MSH3: variants seen among roughly 807,000 people sequenced by gnomAD.
The protein encoded by MSH3 is mutS homolog 3.
MSH3 carries 106 observed loss-of-function variants against 123.3 expected under a neutral mutation model. The ratio of observed to expected loss-of-function variants is 0.86; its 90% confidence interval spans 0.73 to 1.01. The LOEUF is 1.01. Ranked by LOEUF, MSH3 falls within the 50% of genes least tolerant of loss-of-function variation. The pLI is 0.00. For missense variants in MSH3, 1,459 were observed against 1,347.6 expected (o/e 1.08, Z -1.29); for synonymous variants, 515 against 481.4 (o/e 1.07, Z -0.91).
chr5:80,724,559 A>G (rs888932484), intron 8 of MSH3, among the ~76,000 whole-genome samples: 1 of 152,154 alleles, frequency 6.6e-6, no homozygotes, highest in African/African-American at 2.4e-5. Flanking sequence ...AAGAAAATGC[A>G]TTACCCAGCA....
intron 8 of MSH3, among the ~76,000 whole-genome samples, chr5:80,715,612 A>G (rs1230417906): frequency 6.6e-6 from 1 of 152,090 alleles, no homozygotes; most frequent in Non-Finnish European, 1.5e-5. Flanking sequence ...TATAAAGAAA[A>G]GAGGTTTAAT....
intron 19 of MSH3, among the ~76,000 whole-genome samples, chr5:80,795,566 G>T (rs1744683789): frequency 6.6e-6 from 1 of 152,084 alleles, no homozygotes; most frequent in South Asian, 2.1e-4. Flanking sequence ...TCTCCTGAAG[G>T]CCCCATCTTC....
At chr5:80,659,294 G>A (rs935924633) in intron 2 of MSH3, among the ~76,000 whole-genome samples, 3 of 151,286 alleles carry the variant, frequency 2.0e-5, no homozygotes, top group Admixed American at 6.6e-5. Flanking sequence ...TGCACAATTC[G>A]GTGGCTTTTA....
At chr5:80,735,092 C>T (rs1353623500) in intron 10 of MSH3, among the ~76,000 whole-genome samples, 1 of 152,122 alleles carries the variant, frequency 6.6e-6, no homozygotes, top group African/African-American at 2.4e-5. Flanking sequence ...AAGTTTAAAA[C>T]ATGATTACCG....
chr5:80,799,391 T>A (rs1744752059), intron 19 of MSH3, among the ~76,000 whole-genome samples: 1 of 151,536 alleles, frequency 6.6e-6, no homozygotes, highest in South Asian at 2.1e-4. Flanking sequence ...TAAAACACTT[T>A]GAAACTACCA....
chr5:80,829,689 G>A (rs1375006945), intron 20 of MSH3, among the ~76,000 whole-genome samples: 4 of 152,296 alleles, frequency 2.6e-5, no homozygotes, highest in Non-Finnish European at 5.9e-5. Flanking sequence ...ATATTGGCCT[G>A]TAGTTTTCTT....
chr5:80,751,405 A>G (rs1743834594), intron 12 of MSH3, among the ~76,000 whole-genome samples: 1 of 152,180 alleles, frequency 6.6e-6, no homozygotes, highest in Non-Finnish European at 1.5e-5. Context: ...CCCGATACAA[A>G]CAAGCAATGG....
At chr5:80,768,188 T>G in intron 14 of MSH3, 68 bp downstream of exon 14, 1 of 1,363,786 alleles carries the variant, frequency 7.3e-7, no homozygotes, top group Non-Finnish European at 1.0e-6. Flanking sequence ...GCCATTTATT[T>G]GTGGATTCTT....
chr5:80,873,931 A>G (rs1171550673), intron 23 of MSH3, among the ~76,000 whole-genome samples: 1 of 152,200 alleles, frequency 6.6e-6, no homozygotes, highest in Non-Finnish European at 1.5e-5. Flanking sequence ...TTAGTAAATT[A>G]TACCCTTTTG....
chr5:80,823,364 T>A (rs892786408), intron 20 of MSH3, among the ~76,000 whole-genome samples: 1 of 152,154 alleles, frequency 6.6e-6, no homozygotes, highest in Non-Finnish European at 1.5e-5. Flanking sequence ...CTGACAACTC[T>A]TTTTTTCTGG....
chr5:80,811,317 C>T (rs1222759712), intron 19 of MSH3, among the ~76,000 whole-genome samples: 1 of 152,074 alleles, frequency 6.6e-6, no homozygotes, highest in Admixed American at 6.6e-5. Flanking sequence ...TTATCAAATA[C>T]TTTCTCTGTG....
chr5:80,726,531 A>T (rs1422534455), intron 9 of MSH3, among the ~76,000 whole-genome samples: 1 of 152,066 alleles, frequency 6.6e-6, no homozygotes, highest in South Asian at 2.1e-4. Flanking sequence ...CAGTGGTGCA[A>T]TCTTAGCCCA....
At chr5:80,656,160 C>T (rs1198850564) in intron 1 of MSH3, among the ~76,000 whole-genome samples, 2 of 152,216 alleles carry the variant, frequency 1.3e-5, no homozygotes, top group Non-Finnish European at 2.9e-5. Context: ...AGACCGGTAG[C>T]AGCCTTGGTT....
At chr5:80,741,663 C>A in intron 11 of MSH3, 115 bp downstream of exon 11, 1 of 759,692 alleles carries the variant, frequency 1.3e-6, no homozygotes, top group Non-Finnish European at 2.4e-6. Flanking sequence ...TAGCTGACTG[C>A]AGTATTAATT....
intron 3 of MSH3, among the ~76,000 whole-genome samples, chr5:80,669,726 T>G (rs1427664439): frequency 1.3e-5 from 2 of 152,208 alleles, no homozygotes; most frequent in Non-Finnish European, 2.9e-5. Context: ...GAGAGCCAGA[T>G]TTGTCCCCAT....
intron 20 of MSH3, among the ~76,000 whole-genome samples, chr5:80,829,139 C>T (rs573969946): frequency 1.1e-4 from 17 of 152,332 alleles, no homozygotes; most frequent in African/African-American, 1.7e-4. Context: ...CTCTTAAATG[C>T]CCCACCTCTT....
rs150596509 is a variant in MSH3 at position 80,713,675 on chromosome 5, A to G, written c.1341-11778A>G. Among the ~76,000 whole-genome samples, 9 of 152,304 alleles carry G rather than the reference A, an allele frequency of 5.9e-5. No homozygotes were observed. In the East Asian group the frequency reaches 1.7e-3, roughly 29 times the overall value. ...TTTGATGCAGTGGTATTTACTGTCC[A>G]CCTCTAATAAAGCAGGTGAATCATA... On this transcript the variant is annotated intron_variant, in intron 8 of 23. Transcript: ENST00000265081.
Position 80,778,795 on chromosome 5 carries a change from G to A in MSH3, c.2394G>A (p.Gln798=), listed in dbSNP as rs2112007888. 3 of 1,611,164 alleles carry A rather than the reference G, an allele frequency of 1.9e-6. No homozygotes were observed. The highest frequency in any genetic ancestry group is 2.5e-6 in the Non-Finnish European group (3 of 1,177,324). Reference sequence around the variant, plus strand: ...GACATCTGAATCAGCTCCGGGAGCAGCTAGTCCTTGACTGCAGTGCTGAAT... The same window carrying A: ...GACATCTGAATCAGCTCCGGGAGCAACTAGTCCTTGACTGCAGTGCTGAAT... ...NYRHLNQLRE[Q]LVLDCSAEWL... is the part of the protein sequence containing the mutation. Residue 798 remains glutamine (Q), a synonymous_variant, in exon 17 of 24, where the codon CAG becomes CAA. Transcript: ENST00000265081.
At position 80,853,816 on chromosome 5, in the gene MSH3, T is replaced by C. The variant is rs62365461; in HGVS notation, c.2814-314T>C. The stretch of plus-strand genomic sequence containing the variant: ...ACACAGAAACACAGAGAAGTATTGT[T>C]TTGTCCTGTGAATACCAAAACTTTG... On this transcript the variant is annotated intron_variant, in intron 20 of 23. Transcript: ENST00000265081. 4.3e-3 allele frequency among the ~76,000 whole-genome samples: 658 copies of C among 152,284 alleles called. 2 individuals carry two copies. Among genetic ancestry groups the C allele is most frequent in the South Asian group, 7.5e-3 (36 of 4,826 alleles).
Sources: gnomAD v4.1 joint callset for allele counts (sites outside exome capture counted in the v4.1 genomes callset) on GRCh38, gnomAD v4.1.1 for gene constraint, MANE v1.5 for transcripts, NCBI Gene and HGNC (gene_info 2026-07-23, HGNC 2026-07-21) for gene names.